Variants in SGCD observed in about 807,000 individuals in gnomAD.
SGCD encodes the protein sarcoglycan delta, also known as delta-sarcoglycan.
A neutral mutation model predicts 36.6 loss-of-function variants in SGCD; 18 were observed. The observed-to-expected ratio is 0.49, with a 90% CI of 0.34 to 0.73. SGCD has a LOEUF of 0.73. Ranked by LOEUF, SGCD falls within the 30% of genes least tolerant of loss-of-function variation. The pLI, the probability that SGCD is intolerant of heterozygous loss-of-function variation, is 0.01. For missense variants in SGCD, 387 were observed against 346.7 expected (o/e 1.12, Z -0.92); for synonymous variants, 133 against 130.6 (o/e 1.02, Z -0.12).
At chr5:156,144,963 T>A (rs1251766244) in intron 3 of SGCD, among the ~76,000 whole-genome samples, 1 of 152,200 alleles carries the variant, frequency 6.6e-6, no homozygotes, top group East Asian at 1.9e-4. Context: ...TTTGGTGAAC[T>A]GTTGGGAGGG....
intron 1 of SGCD, among the ~76,000 whole-genome samples, chr5:155,991,952 T>G (rs1758440362): frequency 6.6e-6 from 1 of 152,202 alleles, no homozygotes; most frequent in Admixed American, 6.5e-5. Context: ...TCTTACTTAT[T>G]TTTCTGCCTT....
chr5:156,612,836 T>G (rs1469191993), intron 6 of SGCD, among the ~76,000 whole-genome samples: 1 of 152,096 alleles, frequency 6.6e-6, no homozygotes, highest in Admixed American at 6.5e-5. Context: ...TGGATGGAGG[T>G]TGCACAGTGG....
intron 3 of SGCD, among the ~76,000 whole-genome samples, chr5:156,447,534 G>T (rs916930405): frequency 1.3e-5 from 2 of 152,074 alleles, no homozygotes; most frequent in African/African-American, 2.4e-5. Flanking sequence ...AAACCTAGGT[G>T]TTTAAAAATC....
chr5:156,072,924 G>A (rs1018573610), intron 1 of SGCD, among the ~76,000 whole-genome samples: 17 of 152,016 alleles, frequency 1.1e-4, no homozygotes, highest in South Asian at 2.1e-4. Flanking sequence ...TGATCGCATC[G>A]GCTCCTGAGG....
intron 3 of SGCD, among the ~76,000 whole-genome samples, chr5:156,307,555 G>GTTTTT (rs59481792): frequency 4.9e-5 from 2 of 41,154 alleles, no homozygotes; most frequent in African/African-American, 7.6e-5. Context: ...TTTAACTGTT[G>GTTTTT]TTTTTTTTTT....
At chr5:156,680,843 G>A (rs947111550) in intron 7 of SGCD, among the ~76,000 whole-genome samples, 3 of 152,190 alleles carry the variant, frequency 2.0e-5, no homozygotes, top group Non-Finnish European at 4.4e-5. Context: ...CATGCATAAT[G>A]CTGAGACAGG....
At chr5:156,569,069 T>C (rs1759613491) in intron 4 of SGCD, among the ~76,000 whole-genome samples, 1 of 148,852 alleles carries the variant, frequency 6.7e-6, no homozygotes, top group African/African-American at 2.4e-5. Flanking sequence ...CTTACTGTAG[T>C]GGGTAAAGCA....
chr5:155,796,247 A>G, the SGCD span, among the ~76,000 whole-genome samples: 5 of 152,194 alleles, frequency 3.3e-5, no homozygotes, highest in Non-Finnish European at 5.9e-5. Context: ...GTTTATTCAG[A>G]TTATATAATC....
intron 3 of SGCD, among the ~76,000 whole-genome samples, chr5:156,453,087 A>C (rs1049660498): frequency 2.6e-5 from 4 of 152,196 alleles, no homozygotes; most frequent in Non-Finnish European, 5.9e-5. Flanking sequence ...GCCAGATGAC[A>C]TGTGTCCTAG....
At chr5:155,870,424 G>A (rs1755607960) in exon 1 of SGCD, 1 of 152,092 alleles carries the variant, frequency 6.6e-6, no homozygotes, top group African/African-American at 2.4e-5. Context: ...TGAATTAGCA[G>A]GTAACTCTCC....
At chr5:156,205,158 CCA>C (rs1764245447) in intron 3 of SGCD, among the ~76,000 whole-genome samples, 1 of 152,044 alleles carries the variant, frequency 6.6e-6, no homozygotes, top group South Asian at 2.1e-4. Flanking sequence ...TTCAGAACTT[CCA>C]GACACCCAGA....
intron 3 of SGCD, among the ~76,000 whole-genome samples, chr5:156,127,126 A>G (rs1175206881): frequency 6.6e-6 from 1 of 152,214 alleles, no homozygotes; most frequent in Non-Finnish European, 1.5e-5. Flanking sequence ...GTATATTTGT[A>G]TGTGTATATA....
chr5:155,788,300 C>A, the SGCD span, among the ~76,000 whole-genome samples: 3 of 152,106 alleles, frequency 2.0e-5, no homozygotes, highest in Admixed American at 6.6e-5. Flanking sequence ...ACAGATCAAG[C>A]TACTGAAGGA....
intron 3 of SGCD, among the ~76,000 whole-genome samples, chr5:156,407,302 C>G (rs1580942320): frequency 6.6e-6 from 1 of 152,188 alleles, no homozygotes; most frequent in East Asian, 1.9e-4. Context: ...ATAATCGCAA[C>G]CCATGCTTAT....
At chr5:155,841,869 C>T in the SGCD span, among the ~76,000 whole-genome samples, 1 of 152,104 alleles carries the variant, frequency 6.6e-6, no homozygotes, top group African/African-American at 2.4e-5. Context: ...TCTCCCAGTC[C>T]TGGCCAATCA....
intron 3 of SGCD, among the ~76,000 whole-genome samples, chr5:156,317,560 C>T (rs1033291130): frequency 9.9e-5 from 15 of 152,090 alleles, no homozygotes; most frequent in African/African-American, 3.6e-4. Flanking sequence ...AACTAAAAGG[C>T]TATAGTTTCA....
chr5:156,431,998 G>A (rs186665092), intron 3 of SGCD, among the ~76,000 whole-genome samples: 39 of 152,214 alleles, frequency 2.6e-4, no homozygotes, highest in Middle Eastern at 3.4e-3. Flanking sequence ...TTACAGGCGT[G>A]AGCCACCGCA....
intron 1 of SGCD, among the ~76,000 whole-genome samples, chr5:156,070,126 T>G: frequency 6.7e-6 from 1 of 148,940 alleles, no homozygotes; most frequent in Non-Finnish European, 1.5e-5. Context: ...CTTTATTTCC[T>G]TCTCCTGCCT....
At chr5:155,837,358 A>G in the SGCD span, among the ~76,000 whole-genome samples, 1 of 152,062 alleles carries the variant, frequency 6.6e-6, no homozygotes, top group Non-Finnish European at 1.5e-5. Context: ...GGGTTTCACC[A>G]TGTTGGCTAG....
Sources: gnomAD v4.1 joint callset for allele counts (sites outside exome capture counted in the v4.1 genomes callset) on GRCh38, gnomAD v4.1.1 for gene constraint, MANE v1.5 for transcripts, NCBI Gene and HGNC (gene_info 2026-07-23, HGNC 2026-07-21) for gene names.